PDE10A: variants seen among roughly 807,000 people sequenced by gnomAD.
PDE10A encodes phosphodiesterase 10A.
In PDE10A, 39 loss-of-function variants were observed where a neutral mutation model predicts 97.7. The observed-to-expected ratio is 0.40, with a 90% CI of 0.31 to 0.52. The LOEUF is 0.52. Ranked by LOEUF, PDE10A falls within the 20% of genes least tolerant of loss-of-function variation. The pLI is 0.56. For synonymous variants in PDE10A, 371 were observed against 376.8 expected (o/e 0.98, Z 0.18); for missense variants, 731 against 1,047.8 (o/e 0.70, Z 4.17).
intron 16 of PDE10A, among the ~76,000 whole-genome samples, chr6:165,389,261 T>C (rs935073831): frequency 2.6e-5 from 4 of 152,162 alleles, no homozygotes; most frequent in African/African-American, 9.7e-5. Context: ...GCTTATATAT[T>C]TACAAGATTA....
At chr6:165,651,170 T>C (rs555089772) in intron 1 of PDE10A, among the ~76,000 whole-genome samples, 9 of 152,352 alleles carry the variant, frequency 5.9e-5, no homozygotes, top group Middle Eastern at 6.8e-3. Flanking sequence ...ATGAAGTTTA[T>C]GAATATTTGC....
At chr6:165,799,184 T>C (rs977338314) in intron 1 of PDE10A, among the ~76,000 whole-genome samples, 1 of 152,148 alleles carries the variant, frequency 6.6e-6, no homozygotes, top group African/African-American at 2.4e-5. Flanking sequence ...AGCCCACCCC[T>C]GATGTGGAGC....
chr6:165,857,655 T>G (rs1403320822), intron 1 of PDE10A, among the ~76,000 whole-genome samples: 1 of 151,954 alleles, frequency 6.6e-6, no homozygotes, highest in Non-Finnish European at 1.5e-5. Context: ...TTGTCCTCCT[T>G]TGGAGCCCTG....
chr6:165,840,379 G>T (rs537285935), intron 1 of PDE10A, among the ~76,000 whole-genome samples: 67 of 152,268 alleles, frequency 4.4e-4, no homozygotes, highest in African/African-American at 1.5e-3. Flanking sequence ...ATTTTACTTA[G>T]CAAGAATTTC....
At chr6:165,363,879 G>A (rs1006610752) in intron 18 of PDE10A, among the ~76,000 whole-genome samples, 1 of 152,084 alleles carries the variant, frequency 6.6e-6, no homozygotes, top group Non-Finnish European at 1.5e-5. Flanking sequence ...TAAAGAACAA[G>A]TAAGTAAATG....
intron 2 of PDE10A, among the ~76,000 whole-genome samples, chr6:165,515,505 C>T (rs572509689): frequency 2.1e-5 from 3 of 142,988 alleles, no homozygotes; most frequent in Admixed American, 6.9e-5. Context: ...CACACACACA[C>T]ATATATATGC....
intron 1 of PDE10A, among the ~76,000 whole-genome samples, chr6:165,927,149 CA>C (rs1216047675): frequency 2.6e-5 from 4 of 151,992 alleles, no homozygotes; most frequent in African/African-American, 9.7e-5. Flanking sequence ...ATGCATGCAG[CA>C]AACCACCATG....
intron 1 of PDE10A, among the ~76,000 whole-genome samples, chr6:165,627,525 T>G (rs1185453410): frequency 1.3e-5 from 2 of 152,124 alleles, no homozygotes; most frequent in Admixed American, 1.3e-4. Context: ...CACTATCAGA[T>G]GGAGCACGAC....
At chr6:165,413,456 T>A in intron 13 of PDE10A, 45 bp downstream of exon 13, 1 of 1,314,318 alleles carries the variant, frequency 7.6e-7, no homozygotes. Flanking sequence ...AGATTCCAAA[T>A]TAATATTGAG....
intron 5 of PDE10A, among the ~76,000 whole-genome samples, chr6:165,441,309 T>C (rs1222105434): frequency 6.6e-6 from 1 of 152,226 alleles, no homozygotes; most frequent in African/African-American, 2.4e-5. Context: ...TGTAACTAGC[T>C]GCTGATTTTT....
At chr6:165,557,503 T>G (rs1002775419) in intron 1 of PDE10A, among the ~76,000 whole-genome samples, 1 of 152,196 alleles carries the variant, frequency 6.6e-6, no homozygotes, top group Admixed American at 6.5e-5. Context: ...ATTTTAGGTA[T>G]TCTATAAATT....
At position 165,662,103 on chromosome 6, in the gene PDE10A, C is replaced by T. The variant is rs536757784; in HGVS notation, c.709G>A (p.Gly237Ser). ...RAGSPGFPGA[G>S]PGGGGQTPRR... ...GGAGTTTGGCCGCCGCCGCCTGGGC[C>T]GGCGCCGGGGAAGCCGGGGGAGCCC... The change falls in exon 1 of 22, where the codon GGC becomes AGC. Residue 237 changes from glycine to serine, a missense_variant. Around this residue, in one of 8 missense-constraint regions of PDE10A, gnomAD observed 181 missense variants for 159.1 expected, o/e 1.14. Coordinates refer to ENST00000539869, the MANE Select transcript of PDE10A (RefSeq NM_001385079.1). 45 of 1,107,070 alleles carry T rather than the reference C, an allele frequency of 4.1e-5. 1 individual carries two copies. In the South Asian group the frequency reaches 1.6e-3, roughly 39 times the overall value. 68.6% of individuals were successfully genotyped at this position (1,107,070 alleles called of 1,614,324 possible).
chr6:165,775,509 C>CT (rs1200274891), intron 1 of PDE10A: 8 of 152,204 alleles, frequency 5.3e-5, no homozygotes, highest in African/African-American at 1.7e-4. Flanking sequence ...GGAAACAAGC[C>CT]TGCCCACTTC....
At chr6:165,794,650 C>T (rs1467229937) in intron 1 of PDE10A, among the ~76,000 whole-genome samples, 1 of 152,146 alleles carries the variant, frequency 6.6e-6, no homozygotes, top group Non-Finnish European at 1.5e-5. Context: ...CACTCTCACA[C>T]ACATTCACAC....
intron 1 of PDE10A, among the ~76,000 whole-genome samples, chr6:165,566,434 G>C (rs1365524381): frequency 4.6e-5 from 7 of 152,188 alleles, no homozygotes; most frequent in Non-Finnish European, 2.9e-5. Flanking sequence ...ATGCCAGCAA[G>C]AATGTGGAAC....
chr6:165,395,069 G>A, intron 15 of PDE10A, 112 bp downstream of exon 15: 1 of 619,782 alleles, frequency 1.6e-6, no homozygotes, highest in South Asian at 2.1e-5. Flanking sequence ...ATTTATACAT[G>A]CAGTATTTAA....
chr6:165,896,813 C>T lies in PDE10A; in HGVS notation c.-615+90716G>A, dbSNP rs6925258. ...TGCTGGGATTACATGCGTGAGCCAC[C>T]GCACCCAGCCAACACATGGCTAATT... On this transcript the variant is annotated intron_variant, in intron 1 of 19. Transcript: ENST00000366882. Among the ~76,000 whole-genome samples the T allele has an allele frequency of 7.6e-3, 1,152 of 152,152 alleles. 18 individuals are homozygous for T. The highest frequency in any genetic ancestry group is 0.026 in the African/African-American group (1,062 of 41,530).
At position 165,335,739 on chromosome 6, in the gene PDE10A, T is replaced by C. The variant is rs7750258; in HGVS notation, c.3065+384A>G. Among the ~76,000 whole-genome samples, 901 of 151,914 alleles carry C rather than the reference T, an allele frequency of 5.9e-3. 12 individuals carry two copies. Among genetic ancestry groups the C allele is most frequent in the African/African-American group, 0.02 (840 of 41,426 alleles). ...CTCAAAGAAAGACCTGGCACCCCAC[T>C]CAGACTGAACGTGGGCATAAGAAAG... is the stretch of plus-strand genomic sequence containing the variant. On this transcript the variant is annotated intron_variant, in intron 21 of 21. Transcript: ENST00000539869.
chr6:165,356,821 T>C (rs1049467140), intron 18 of PDE10A, among the ~76,000 whole-genome samples: 4 of 152,190 alleles, frequency 2.6e-5, no homozygotes, highest in Non-Finnish European at 5.9e-5. Context: ...TTTTTGGAGA[T>C]GACTTAGGTG....
Sources: gnomAD v4.1 joint callset for allele counts (sites outside exome capture counted in the v4.1 genomes callset) on GRCh38, gnomAD v4.1.1 for gene constraint, gnomAD v4.1.1 regional missense constraint, MANE v1.5 for transcripts, NCBI Gene and HGNC (gene_info 2026-07-23, HGNC 2026-07-21) for gene names.